Variants in OSBPL5 observed in about 807,000 individuals in gnomAD.
OSBPL5 encodes oxysterol-binding protein-related protein 5.
OSBPL5 carries 71 observed loss-of-function variants against 111.2 expected under a neutral mutation model. That is an observed-to-expected ratio of 0.64 (90% CI 0.53 to 0.78). OSBPL5 has a LOEUF of 0.78. OSBPL5 is among the 30% of genes least tolerant of loss of function. The pLI is 0.00. For synonymous variants in OSBPL5, 549 were observed against 513.9 expected (o/e 1.07, Z -0.93); for missense variants, 1,210 against 1,189.3 (o/e 1.02, Z -0.26).
At chr11:3,112,165 T>C (rs1313785991) in intron 7 of OSBPL5, among the ~76,000 whole-genome samples, 1 of 151,084 alleles carries the variant, frequency 6.6e-6, no homozygotes, top group Non-Finnish European at 1.5e-5. Context: ...CCTTCATGTT[T>C]CTGTTTTTGT....
chr11:3,113,080 T>C lies in OSBPL5; in HGVS notation c.692-5135A>G, dbSNP rs1564838650. The stretch of plus-strand genomic sequence containing the variant: ...AATATATAAAAGGGCTCTAATTGAT[T>C]GGCTTAAGAAAGTAAATGCACTTGA... On this transcript the variant is annotated intron_variant, in intron 7 of 21. Transcript: ENST00000263650. This position sits in a 1 kb window ranked among gnomAD's most constrained non-coding sequence, Gnocchi z 4.8. 6.6e-6 allele frequency among the ~76,000 whole-genome samples: 1 copy of C among 152,336 alleles called. No individual in the cohort carries two copies. The highest frequency in any genetic ancestry group is 2.4e-5 in the African/African-American group (1 of 41,578).
At chr11:3,117,066 G>A (rs780527244) in intron 7 of OSBPL5, among the ~76,000 whole-genome samples, 12 of 152,202 alleles carry the variant, frequency 7.9e-5, no homozygotes, top group African/African-American at 1.7e-4. Context: ...GTGAGTATTC[G>A]TAACTTATGA....
At chr11:3,100,971 CTT>C (rs1196891233) in intron 13 of OSBPL5, among the ~76,000 whole-genome samples, 3 of 123,428 alleles carry the variant, frequency 2.4e-5, no homozygotes, top group Non-Finnish European at 3.4e-5. Context: ...AGTTTCATTT[CTT>C]TTTTTTTTTT....
chr11:3,104,345 T>A lies in OSBPL5; in HGVS notation c.1092A>T (p.Ser364=). Reference sequence around the variant, plus strand: ...TCCACATCAGACTCTTGTTCTCCTCTGACACTGTCTCCACCTGGGACGCCT... The same window carrying A: ...TCCACATCAGACTCTTGTTCTCCTCAGACACTGTCTCCACCTGGGACGCCT... ...LGEASQVETV[S]EENKSLMWTL... Residue 364 remains serine, a synonymous_variant, in exon 10 of 22, where the codon TCA becomes TCT. Transcript: ENST00000263650. The surrounding 1 kb of genome is among the most constrained non-coding windows in gnomAD (Gnocchi z 5.0). 1 of 1,612,744 alleles carries A rather than the reference T, an allele frequency of 6.2e-7. No individual in the cohort carries two copies. Among genetic ancestry groups the A allele is most frequent in the African/African-American group, 1.3e-5 (1 of 75,066 alleles).
chr11:3,114,761 G>C (rs959751825), intron 7 of OSBPL5, among the ~76,000 whole-genome samples: 2 of 151,512 alleles, frequency 1.3e-5, no homozygotes, highest in African/African-American at 4.9e-5. Context: ...ACCACGCCTG[G>C]CTAATTTTTT....
chr11:3,090,735 A>T, intron 19 of OSBPL5, 39 bp from the exon 20 acceptor site: 1 of 1,576,620 alleles, frequency 6.3e-7, no homozygotes, highest in East Asian at 2.3e-5. Context: ...AAAGCCACCC[A>T]CGCCCCCTGC....
rs377644941 is a variant in OSBPL5 at position 3,148,758 on chromosome 11, T to C, written c.-22+16458A>G. Among the ~76,000 whole-genome samples the C allele has an allele frequency of 2.0e-3, 311 of 152,284 alleles. 2 individuals are homozygous for C. The highest frequency in any genetic ancestry group is 7.2e-3 in the African/African-American group (301 of 41,556). On this transcript the variant is annotated intron_variant, in intron 1 of 21. Coordinates refer to ENST00000263650, the MANE Select transcript of OSBPL5 (RefSeq NM_020896.4). ...CTTAAAGCAGGAGAGGAAATTGGCA[T>C]GATAGCAGCATTGCATCTCCCAGAG...
chr11:3,094,436 C>T (rs1590633920), intron 14 of OSBPL5, 102 bp from the exon 15 acceptor site: 2 of 857,916 alleles, frequency 2.3e-6, no homozygotes, highest in East Asian at 2.6e-5. Flanking sequence ...AGTCCCGACC[C>T]AGCAGCACCG....
intron 14 of OSBPL5, 163 bp from the exon 15 acceptor site, chr11:3,094,497 C>T (rs896232317): frequency 1.5e-5 from 9 of 602,676 alleles, no homozygotes; most frequent in East Asian, 5.6e-5. Context: ...GGACAGGAGG[C>T]GCTGGGAGCA....
intron 14 of OSBPL5, among the ~76,000 whole-genome samples, chr11:3,095,094 A>G (rs1397786147): frequency 6.6e-6 from 1 of 151,990 alleles, no homozygotes; most frequent in African/African-American, 2.4e-5. Flanking sequence ...AACACCCCCA[A>G]ATCCCTCCAG....
At chr11:3,120,191 C>T (rs760257136) in intron 6 of OSBPL5, among the ~76,000 whole-genome samples, 15 of 152,186 alleles carry the variant, frequency 9.9e-5, no homozygotes, top group Non-Finnish European at 2.9e-5. Flanking sequence ...GGGTGAGGGG[C>T]TGGGGTGACC....
chr11:3,134,955 G>A (rs745621909), intron 1 of OSBPL5, among the ~76,000 whole-genome samples: 17 of 152,302 alleles, frequency 1.1e-4, no homozygotes, highest in East Asian at 1.9e-4. Context: ...GAGGGGACGC[G>A]GGAGAAGCTC....
chr11:3,103,824 C>CCCCTTCCAGCCTCTGCAG (rs1857581546), intron 10 of OSBPL5, among the ~76,000 whole-genome samples: 2 of 35,504 alleles, frequency 5.6e-5, no homozygotes, highest in Non-Finnish European at 1.5e-4. Flanking sequence ...GCCTGCGCAG[C>CCCCTTCCAGCCTCTGCAG]CCCCTTCCAG....
At chr11:3,136,782 G>C (rs992481061) in intron 1 of OSBPL5, among the ~76,000 whole-genome samples, 1 of 152,218 alleles carries the variant, frequency 6.6e-6, no homozygotes, top group African/African-American at 2.4e-5. Flanking sequence ...GGGCTGGGCC[G>C]CGCTGCATGG....
chr11:3,087,922 G>A lies in OSBPL5; in HGVS notation c.*283C>T, dbSNP rs1016477571. The A allele has an allele frequency of 4.9e-5, 14 of 287,366 alleles. No homozygotes were observed. The highest frequency in any genetic ancestry group is 7.1e-5 in the Non-Finnish European group (11 of 155,618). 17.8% of individuals were successfully genotyped at this position (287,366 alleles called of 1,614,324 possible). On this transcript the variant is annotated 3_prime_UTR_variant, in exon 22 of 22. Coordinates refer to ENST00000263650, the MANE Select transcript of OSBPL5 (RefSeq NM_020896.4). ...GTGGAGGCCGGACAGGGGGTGACAC[G>A]GCAAGATGGCCAGGAGTGCGTCGCA...
At chr11:3,123,637 C>T (rs1185865074) in intron 3 of OSBPL5, among the ~76,000 whole-genome samples, 1 of 152,204 alleles carries the variant, frequency 6.6e-6, no homozygotes, top group African/African-American at 2.4e-5. Flanking sequence ...GCCTCTAGGG[C>T]GAGGAAAGCC....
chr11:3,121,182 C>A lies in OSBPL5; in HGVS notation c.403-558G>T, dbSNP rs886211222. On this transcript the variant is annotated intron_variant, in intron 5 of 21. Coordinates refer to ENST00000263650, the MANE Select transcript of OSBPL5 (RefSeq NM_020896.4). This position sits in a 1 kb window ranked among gnomAD's most constrained non-coding sequence, Gnocchi z 4.3. ...AAGCGATTCTCCTGCCTCAGCCGCC[C>A]GAGTAGCTGGGATTACAGGCGCCCG... 1.3e-5 allele frequency among the ~76,000 whole-genome samples: 2 copies of A among 151,766 alleles called. No individual in the cohort carries two copies. Among genetic ancestry groups the A allele is most frequent in the Non-Finnish European group, 2.9e-5 (2 of 67,942 alleles).
chr11:3,103,750 C>A (rs61870198), intron 10 of OSBPL5, among the ~76,000 whole-genome samples: 9 of 47,056 alleles, frequency 1.9e-4, no homozygotes, highest in African/African-American at 2.8e-4. Context: ...CTGCAACCCT[C>A]TTCCAGCTCT....
In OSBPL5 at chr11:3,092,635, C is replaced by T. The variant is rs1052727026; in HGVS notation, c.2133-77G>A. The T allele has an allele frequency of 2.7e-6, 4 of 1,467,842 alleles. No homozygotes were observed. Among genetic ancestry groups the T allele is most frequent in the Admixed American group, 2.3e-5 (1 of 43,766 alleles). 90.9% of individuals were successfully genotyped at this position (1,467,842 alleles called of 1,614,324 possible). ...GGGGCTGTCCTGGCCCAGTCTTCAG[C>T]CCCCCAACAGTGGCCAGAGACCTCC... On this transcript the variant is annotated intron_variant, in intron 18 of 21. Coordinates refer to ENST00000263650, the MANE Select transcript of OSBPL5 (RefSeq NM_020896.4). The surrounding 1 kb of genome is among the most constrained non-coding windows in gnomAD (Gnocchi z 5.4).
Sources: gnomAD v4.1 joint callset for allele counts (sites outside exome capture counted in the v4.1 genomes callset) on GRCh38, gnomAD v4.1.1 for gene constraint, Gnocchi (gnomAD v3.1) non-coding constraint, MANE v1.5 for transcripts, NCBI Gene and HGNC (gene_info 2026-07-23, HGNC 2026-07-21) for gene names.